Variants in GRK2 observed in about 807,000 individuals in gnomAD.
GRK2 encodes the protein adrenergic beta receptor kinase 1.
A neutral mutation model predicts 97.8 loss-of-function variants in GRK2; 23 were observed. The observed-to-expected ratio is 0.24, with a 90% CI of 0.17 to 0.33. The LOEUF is 0.33. Ranked by LOEUF, GRK2 falls within the 10% of genes least tolerant of loss-of-function variation. The pLI, the probability that GRK2 is intolerant of heterozygous loss-of-function variation, is 1.00. For missense variants in GRK2, 633 were observed against 956.9 expected (o/e 0.66, Z 4.47); for synonymous variants, 425 against 381.7 (o/e 1.11, Z -1.32).
chr11:67,278,327 G>A (rs1860076349), intron 2 of GRK2, among the ~76,000 whole-genome samples: 1 of 152,206 alleles, frequency 6.6e-6, no homozygotes, highest in African/African-American at 2.4e-5. Context: ...GGAGGCCTGA[G>A]GAGGGCCTCT....
In GRK2 at chr11:67,283,227, G is replaced by A. The variant is rs1302111063; in HGVS notation, c.1327G>A (p.Gly443Arg). ...VNRRLGCLGR[G>R]AQEVKESPFF... Reference sequence around the variant, plus strand: ...CCGGAGATTGGGCTGCCTGGGCCGAGGGTGAGTACCCTGGCGCCTTGGGCA... The same window carrying A: ...CCGGAGATTGGGCTGCCTGGGCCGAAGGTGAGTACCCTGGCGCCTTGGGCA... The change falls in exon 15 of 21, where the codon GGG becomes AGG. Residue 443 changes from glycine to arginine, a missense_variant and splice_region_variant. Gly to Arg is a moderately radical substitution (Grantham distance 125, BLOSUM62 -2). Transcript: ENST00000308595. The A allele has an allele frequency of 6.2e-7, 1 of 1,613,572 alleles. No homozygotes were observed. The highest frequency in any genetic ancestry group is 8.5e-7 in the Non-Finnish European group (1 of 1,179,776).
chr11:67,279,160 A>T, intron 2 of GRK2, 40 bp from the exon 3 acceptor site: 1 of 1,533,560 alleles, frequency 6.5e-7, no homozygotes, highest in Non-Finnish European at 9.0e-7. Flanking sequence ...AAGGCCTCTG[A>T]GAGAGGCGTG....
chr11:67,276,575 T>C lies in GRK2; in HGVS notation c.114-697T>C, dbSNP rs1429941199. On this transcript the variant is annotated intron_variant, in intron 1 of 20. Coordinates refer to ENST00000308595, the MANE Select transcript of GRK2 (RefSeq NM_001619.5). The surrounding 1 kb of genome is among the most constrained non-coding windows in gnomAD (Gnocchi z 4.2). ...CAAGGCATGGCCTTTTCTTACAATT[T>C]AAAAAATTGAGATGCAATTCATATA... 16 of 152,166 alleles carry C rather than the reference T, an allele frequency of 1.1e-4. No homozygotes were observed. The allele number at this position is 152,166 out of a possible 1,614,324, so 9.4% of individuals were successfully genotyped here. A position where few individuals can be genotyped will look rare whatever the true frequency, so the allele number is the denominator to read the frequency against.
At chr11:67,267,469 G>A (rs912166846) in intron 1 of GRK2, among the ~76,000 whole-genome samples, 5 of 152,164 alleles carry the variant, frequency 3.3e-5, no homozygotes, top group Non-Finnish European at 7.3e-5. Flanking sequence ...GGGTGCTGCG[G>A]GCACCCTCCC....
intron 5 of GRK2, 55 bp from the exon 6 acceptor site, chr11:67,279,784 T>C: frequency 6.2e-7 from 1 of 1,612,902 alleles, no homozygotes; most frequent in Admixed American, 1.7e-5. Context: ...GGGTGGGGCC[T>C]GGGCAACCAC....
intron 1 of GRK2, among the ~76,000 whole-genome samples, chr11:67,270,399 C>G (rs995142100): frequency 1.3e-5 from 2 of 152,112 alleles, no homozygotes; most frequent in Non-Finnish European, 2.9e-5. Flanking sequence ...CCTCCCCCAC[C>G]GAGAGTTTCC....
At chr11:67,280,184 T>G in intron 6 of GRK2, 1 of 503,876 alleles carries the variant, frequency 2.0e-6, no homozygotes, top group Non-Finnish European at 3.6e-6. Context: ...TTCTCTCCCG[T>G]GGGCTGTATA....
rs377223200 is a variant in GRK2 at position 67,282,263 on chromosome 11, C to T, written c.958-8C>T. On this transcript the variant is annotated splice_polypyrimidine_tract_variant and splice_region_variant and intron_variant, in intron 11 of 20. Coordinates refer to ENST00000308595, the MANE Select transcript of GRK2 (RefSeq NM_001619.5). The surrounding 1 kb of genome is among the most constrained non-coding windows in gnomAD (Gnocchi z 6.9). The stretch of plus-strand genomic sequence containing the variant: ...TGCCCCAGGCAGCTCACTGGGCTTC[C>T]TTCACAGCCAGCCAACATCCTTCTG... 1.2e-4 allele frequency: 195 copies of T among 1,613,014 alleles called. No homozygotes were observed. Among genetic ancestry groups the T allele is most frequent in the Non-Finnish European group, 1.6e-4 (190 of 1,179,808 alleles).
In GRK2 at chr11:67,282,213, T is replaced by A; in HGVS notation, c.958-58T>A. ...TGAAGCAGTGACCCAGCTGGCATCT[T>A]GCCTGGCTGGGCCCCATCCTGAGCT... On this transcript the variant is annotated intron_variant, in intron 11 of 20. Transcript: ENST00000308595. This position sits in a 1 kb window ranked among gnomAD's most constrained non-coding sequence, Gnocchi z 6.9. 6.5e-7 allele frequency: 1 copy of A among 1,532,246 alleles called. No homozygotes were observed. Among genetic ancestry groups the A allele is most frequent in the South Asian group, 1.1e-5 (1 of 88,258 alleles). 94.9% of individuals were successfully genotyped at this position (1,532,246 alleles called of 1,614,324 possible).
In GRK2 at chr11:67,283,639, G is replaced by C. The variant is rs1454297994; in HGVS notation, c.1329-68G>C. 8 of 1,519,220 alleles carry C rather than the reference G, an allele frequency of 5.3e-6. No homozygotes were observed. The Admixed American group carries it at 1.4e-4, about 26-fold the overall frequency. 94.1% of individuals were successfully genotyped at this position (1,519,220 alleles called of 1,614,324 possible). A position where few individuals can be genotyped will look rare whatever the true frequency, so the allele number is the denominator to read the frequency against. ...CCCAAGTTCACAGAGCCAGAAAGTG[G>C]CTCAATCAGGAGTTAAGCCCGGGAC... is the stretch of plus-strand genomic sequence containing the variant. On this transcript the variant is annotated intron_variant, in intron 15 of 20. Transcript: ENST00000308595.
At chr11:67,267,266 C>G (rs1420827139) in intron 1 of GRK2, among the ~76,000 whole-genome samples, 1 of 152,260 alleles carries the variant, frequency 6.6e-6, no homozygotes, top group Admixed American at 6.5e-5. Context: ...GTCACCCACC[C>G]TTTTGCTGTC....
chr11:67,278,467 T>TA (rs1860079220), intron 2 of GRK2, among the ~76,000 whole-genome samples: 3 of 152,302 alleles, frequency 2.0e-5, no homozygotes, highest in Admixed American at 6.5e-5. Flanking sequence ...CCCTGTGGCT[T>TA]ACACCCGTTC....
chr11:67,282,492 C>G lies in GRK2; in HGVS notation c.1110C>G (p.Ser370Arg). The change falls in exon 13 of 21, where the codon AGC (serine) becomes AGG (arginine). Residue 370 changes from serine (S) to arginine (R), a missense_variant. Ser to Arg is a moderately radical substitution (Grantham distance 110). Around this residue, in one of 4 missense-constraint regions of GRK2, gnomAD observed 192 missense variants for 362.3 expected, o/e 0.53. Coordinates refer to ENST00000308595, the MANE Select transcript of GRK2 (RefSeq NM_001619.5). This position sits in a 1 kb window ranked among gnomAD's most constrained non-coding sequence, Gnocchi z 6.9. ...EVLQKGVAYD[S>R]SADWFSLGCM... Reference sequence around the variant, plus strand: ...TGCAGAAGGGCGTGGCCTACGACAGCAGTGCCGACTGGTTCTCTCTGGGGT... The same window carrying G: ...TGCAGAAGGGCGTGGCCTACGACAGGAGTGCCGACTGGTTCTCTCTGGGGT... The G allele has an allele frequency of 6.2e-7, 1 of 1,613,760 alleles. No individual in the cohort carries two copies. The highest frequency in any genetic ancestry group is 8.5e-7 in the Non-Finnish European group (1 of 1,179,998).
intron 17 of GRK2, 122 bp from the exon 18 acceptor site, chr11:67,284,089 C>T: frequency 6.8e-7 from 1 of 1,476,294 alleles, no homozygotes; most frequent in African/African-American, 1.4e-5. Context: ...GCCAACTTCC[C>T]TGGGGGGTGG....
At chr11:67,284,568 T>A in intron 18 of GRK2, 195 bp downstream of exon 18, 1 of 729,512 alleles carries the variant, frequency 1.4e-6, no homozygotes, top group Non-Finnish European at 2.2e-6. Context: ...GCAGATCACT[T>A]GAGGTCAGGA....
At chr11:67,266,930 C>A (rs1316336284) in intron 1 of GRK2, 118 bp downstream of exon 1, 2 of 352,912 alleles carry the variant, frequency 5.7e-6, no homozygotes, top group East Asian at 5.4e-5. Context: ...GCTCTCGCAA[C>A]CCCCTGTCGG....
Position 67,281,412 on chromosome 11 carries a change from G to A in GRK2, c.648-47G>A. On this transcript the variant is annotated intron_variant, in intron 8 of 20. Transcript: ENST00000308595. The surrounding 1 kb of genome is among the most constrained non-coding windows in gnomAD (Gnocchi z 5.7). The stretch of plus-strand genomic sequence containing the variant: ...CAAGCGCCCCCTGAGGCAGCCCTGG[G>A]CCCCTGCTCTGAGGGTGGGTGTTGA... 6.4e-7 allele frequency: 1 copy of A among 1,555,618 alleles called. No homozygotes were observed. The highest frequency in any genetic ancestry group is 8.9e-7 in the Non-Finnish European group (1 of 1,129,426).
chr11:67,283,296 C>G, intron 15 of GRK2, 68 bp downstream of exon 15: 1 of 1,389,414 alleles, frequency 7.2e-7, no homozygotes, highest in Non-Finnish European at 1.0e-6. Flanking sequence ...TGTGTCCCGT[C>G]ACCTGGAACC....
At position 67,284,239 on chromosome 11, in the gene GRK2, G is replaced by A. The variant is rs765925133; in HGVS notation, c.1520G>A (p.Arg507His). The change falls in exon 18 of 21, where the codon CGC becomes CAC. Residue 507 changes from arginine (R) to histidine (H), a missense_variant. This residue lies in a region of GRK2 where 180 missense variants were observed against 311.3 expected (regional missense o/e 0.58). Coordinates refer to ENST00000308595, the MANE Select transcript of GRK2 (RefSeq NM_001619.5). ...KLLDSDQELY[R>H]NFPLTISERW... ...CTGGACAGTGATCAGGAGCTCTACC[G>A]CAACTTCCCCCTCACCATCTCGGAG... The A allele has an allele frequency of 1.2e-5, 20 of 1,613,510 alleles. No homozygotes were observed. Among genetic ancestry groups the A allele is most frequent in the East Asian group, 6.7e-5 (3 of 44,896 alleles).
Sources: allele counts gnomAD v4.1 joint callset (sites outside exome capture counted in the v4.1 genomes callset), GRCh38; gene constraint gnomAD v4.1.1; regional missense constraint gnomAD v4.1.1; non-coding constraint Gnocchi (gnomAD v3.1); transcripts MANE v1.5; gene names NCBI Gene and HGNC (gene_info 2026-07-23, HGNC 2026-07-21).